The following SPG11 variants were observed in gnomAD, a reference collection of about 807,000 sequenced individuals.
The protein encoded by SPG11 is spatacsin.
A neutral mutation model predicts 274.0 loss-of-function variants in SPG11; 222 were observed. That is an observed-to-expected ratio of 0.81 (90% CI 0.73 to 0.91). The LOEUF is 0.91. Among genes scored for constraint, SPG11 ranks in the 40% least tolerant of loss-of-function variants. SPG11 has a pLI of 0.00. For synonymous variants in SPG11, 1,144 were observed against 1,039.7 expected, an observed-to-expected ratio of 1.10 and a Z score of -1.93; for missense variants, 3,114 against 2,872.7, an observed-to-expected ratio of 1.08 and a Z score of -1.92.
rs2084682160 is a variant in SPG11, at chr15:44,648,918, A to G, written c.1550T>C (p.Leu517Pro). The G allele has an allele frequency of 6.2e-7, 1 of 1,614,028 alleles. No homozygotes were observed. The highest frequency in any genetic ancestry group is 1.3e-5 in the African/African-American group (1 of 74,938). Reference sequence around the variant, plus strand: ...CCTTCCCCAGCCATTGAGATGACAAAGAGTGTCCACAGTGCTGGCACTTCC... The same window carrying G: ...CCTTCCCCAGCCATTGAGATGACAAGGAGTGTCCACAGTGCTGGCACTTCC... ...IHGSASTVDT[L>P]CHLNGWGRCS... is the part of the protein sequence containing the mutation. Residue 517 changes from leucine to proline, a missense_variant, in exon 7 of 40, where the codon CTT becomes CCT. Transcript: ENST00000261866.
At position 44,620,360 on chromosome 15, in the gene SPG11, T is replaced by C. The variant is rs747398207; in HGVS notation, c.2664A>G (p.Thr888=). The C allele has an allele frequency of 2.5e-6, 4 of 1,614,122 alleles. No individual in the cohort carries two copies. Among genetic ancestry groups the C allele is most frequent in the South Asian group, 1.1e-5 (1 of 91,084 alleles). ...TAATGTTTAACCAATCATGGCGAGC[T>C]GTGAGGTATCTCCAGAGGGCTTCAG... The part of the protein sequence containing the change: ...YSPEALWRYL[T]ARHDWLNIIL... Residue 888 remains threonine (T), a synonymous_variant, in exon 15 of 40, where the codon ACA becomes ACG. Coordinates refer to ENST00000261866, the MANE Select transcript of SPG11 (RefSeq NM_025137.4).
At position 44,610,936 on chromosome 15, in the gene SPG11, A is replaced by G. The variant is rs757632864; in HGVS notation, c.3195T>C (p.Ile1065=). 8.7e-6 allele frequency: 14 copies of G among 1,613,894 alleles called. No homozygotes were observed. In the East Asian group the frequency reaches 3.1e-4, roughly 36 times the overall value. Residue 1065 remains isoleucine (I), a synonymous_variant, in exon 18 of 40, where the codon ATT becomes ATC. Transcript: ENST00000261866. ...TGCTTACACTGGCCTGATTGGTGGGAATCAAAATCTGAGCATTTGCAAGGC... is the reference window on the plus strand; with the variant it reads ...TGCTTACACTGGCCTGATTGGTGGGGATCAAAATCTGAGCATTTGCAAGGC... ...QASLANAQIL[I]PTNQASVSSM...
At chr15:44,642,148 C>T (rs996038697) in intron 7 of SPG11, among the ~76,000 whole-genome samples, 111 of 151,524 alleles carry the variant, frequency 7.3e-4, no homozygotes, top group African/African-American at 2.6e-3. Flanking sequence ...AGGAGGATCA[C>T]CTGAGGTCAG....
chr15:44,638,617 T>C (rs774909605), intron 7 of SPG11, among the ~76,000 whole-genome samples: 4 of 151,616 alleles, frequency 2.6e-5, no homozygotes, highest in Non-Finnish European at 5.9e-5. Flanking sequence ...ATTTCTAAAC[T>C]AGTTTAGGGC....
Position 44,595,239 on chromosome 15 carries a change from A to G in SPG11, c.4635+20T>C. ...AGTAATCTCTTAAGCTCTGGAAAGA[A>G]GTGAAGCAACTATCACTACCTTAAA... On this transcript the variant is annotated intron_variant, in intron 26 of 39. Transcript: ENST00000261866. The G allele has an allele frequency of 6.2e-7, 1 of 1,611,092 alleles. No individual in the cohort carries two copies. The highest frequency in any genetic ancestry group is 8.5e-7 in the Non-Finnish European group (1 of 1,177,234).
chr15:44,585,983 GTT>G (rs71111868), intron 28 of SPG11, 133 bp from the exon 29 acceptor site: 6,191 of 329,410 alleles, frequency 0.019, no homozygotes, highest in East Asian at 0.023. Context: ...ATAAAAAGCT[GTT>G]TTTTTTTTTT....
rs312262737 is a variant in SPG11, at chr15:44,626,429, G to T, written c.2146C>A (p.Gln716Lys). 2.9e-5 allele frequency: 46 copies of T among 1,613,822 alleles called. No homozygotes were observed. The highest frequency in any genetic ancestry group is 3.7e-5 in the Non-Finnish European group (44 of 1,179,956). ...ATGCCAATAAGCTCCTCAAGTTTTT[G>T]AGCAGAATGACTATCAATCCTGAAG... is the stretch of plus-strand genomic sequence containing the variant. ...TFFRIDSHSA[Q>K]KLEELIGIGL... The change falls in exon 11 of 40, where the codon CAA (glutamine) becomes AAA (lysine). Residue 716 changes from glutamine (Q) to lysine (K), a missense_variant. Physicochemically the swap from Gln to Lys is moderately conservative, Grantham distance 53. Transcript: ENST00000261866.
chr15:44,589,142 T>A, intron 28 of SPG11, 110 bp downstream of exon 28: 1 of 1,121,962 alleles, frequency 8.9e-7, no homozygotes, highest in Non-Finnish European at 1.3e-6. Flanking sequence ...AGTTGTAGAC[T>A]GTAAGTTAAT....
At chr15:44,570,829 C>G (rs2082408341) in intron 33 of SPG11, among the ~76,000 whole-genome samples, 171 bp from the exon 34 acceptor site, 1 of 152,154 alleles carries the variant, frequency 6.6e-6, no homozygotes, top group Non-Finnish European at 1.5e-5. Context: ...TTGAGACAGC[C>G]CCTTGATGAC....
chr15:44,642,650 C>A, intron 7 of SPG11, among the ~76,000 whole-genome samples: 1 of 147,164 alleles, frequency 6.8e-6, no homozygotes, highest in African/African-American at 2.5e-5. Flanking sequence ...TGTTTGAGGC[C>A]AAGAATTCGA....
chr15:44,648,778 T>C (rs1196909937), intron 7 of SPG11, 88 bp downstream of exon 7: 1 of 1,456,316 alleles, frequency 6.9e-7, no homozygotes, highest in East Asian at 2.3e-5. Flanking sequence ...TGCTGCTAAA[T>C]TAAATGAATT....
chr15:44,636,968 A>AAAAAAAC (rs2084294668), intron 7 of SPG11, among the ~76,000 whole-genome samples: 1 of 146,634 alleles, frequency 6.8e-6, no homozygotes, highest in African/African-American at 2.5e-5. Context: ...CAAAAAAAAA[A>AAAAAAAC]CACAAATGTG....
In SPG11 at chr15:44,575,870, C is replaced by T. The variant is rs140692274; in HGVS notation, c.5867-829G>A. Among the ~76,000 whole-genome samples the T allele has an allele frequency of 2.1e-3, 321 of 152,120 alleles. 1 individual carries two copies. Among genetic ancestry groups the T allele is most frequent in the African/African-American group, 7.3e-3 (302 of 41,536 alleles). On this transcript the variant is annotated intron_variant, in intron 30 of 39. Coordinates refer to ENST00000261866, the MANE Select transcript of SPG11 (RefSeq NM_025137.4). ...TTAAAACGAAGCTCTTGGACGGGTG[C>T]GGTGGCTCACGCCTATAATCCCAGC...
chr15:44,626,643 G>A, intron 10 of SPG11, 136 bp from the exon 11 acceptor site: 2 of 893,578 alleles, frequency 2.2e-6, no homozygotes, highest in Non-Finnish European at 1.7e-6. Context: ...TTGGAGTTAG[G>A]TTCAAGGGAT....
intron 15 of SPG11, among the ~76,000 whole-genome samples, chr15:44,619,721 A>AT (rs1231420239): frequency 0.012 from 1,611 of 135,742 alleles, 17 homozygotes; most frequent in African/African-American, 0.033. Context: ...AATGCATATG[A>AT]TTTTTTTTTT....
intron 33 of SPG11, among the ~76,000 whole-genome samples, chr15:44,571,635 C>T (rs2082428112): frequency 6.6e-6 from 1 of 151,556 alleles, no homozygotes; most frequent in East Asian, 1.9e-4. Context: ...GTAGCTGGGA[C>T]TACAGGCACC....
chr15:44,603,736 A>G (rs1011133971), intron 20 of SPG11, among the ~76,000 whole-genome samples: 1 of 152,226 alleles, frequency 6.6e-6, no homozygotes, highest in Non-Finnish European at 1.5e-5. Flanking sequence ...ATAGCATAGT[A>G]TTTATATATA....
Position 44,565,959 on chromosome 15 carries a change from T to G in SPG11, c.6894A>C (p.Ile2298=). 2 of 1,613,960 alleles carry G rather than the reference T, an allele frequency of 1.2e-6. No individual in the cohort carries two copies. Among genetic ancestry groups the G allele is most frequent in the South Asian group, 2.2e-5 (2 of 91,064 alleles). The change falls in exon 38 of 40, where the codon ATA becomes ATC. Residue 2298 remains isoleucine (I), a synonymous_variant. Coordinates refer to ENST00000261866, the MANE Select transcript of SPG11 (RefSeq NM_025137.4). ...TGTTCAGAAAGTGAATCTGCAGAGT[T>G]ATCAACTTGGTGAGCCGCTGACAGT... ...AQHCQRLTKL[I]TLQIHFLNTG...
At chr15:44,580,575 G>A (rs1031775371) in intron 30 of SPG11, among the ~76,000 whole-genome samples, 2 of 152,200 alleles carry the variant, frequency 1.3e-5, no homozygotes, top group South Asian at 2.1e-4. Flanking sequence ...TCAAGAGATC[G>A]AGGCCATCCT....
Sources: allele counts gnomAD v4.1 joint callset (sites outside exome capture counted in the v4.1 genomes callset), GRCh38; gene constraint gnomAD v4.1.1; transcripts MANE v1.5; gene names NCBI Gene and HGNC (gene_info 2026-07-23, HGNC 2026-07-21).